The following RASAL2 variants were observed in gnomAD, a reference collection of about 807,000 sequenced individuals.
The protein encoded by RASAL2 is ras GTPase-activating protein nGAP.
RASAL2 carries 58 observed loss-of-function variants against 128.9 expected under a neutral mutation model. The ratio of observed to expected loss-of-function variants is 0.45; its 90% CI spans 0.36 to 0.56. The LOEUF (loss-of-function observed/expected upper bound fraction) is 0.56, where lower values mean the gene tolerates loss of function less well. Among genes scored for constraint, RASAL2 ranks in the 20% least tolerant of loss-of-function variants. The probability of loss-of-function intolerance (pLI) is 0.00; values close to 1 mark genes in which losing one functional copy is unlikely to be tolerated. For synonymous variants in RASAL2, 561 were observed against 580.8 expected, an observed-to-expected ratio of 0.97 and a Z score of 0.49; for missense variants, 1,360 against 1,601.6, an observed-to-expected ratio of 0.85 and a Z score of 2.57.
intron 1 of RASAL2, among the ~76,000 whole-genome samples, chr1:178,166,624 T>A (rs1268908732): frequency 6.6e-6 from 1 of 152,110 alleles, no homozygotes. Context: ...TCACCAAAGA[T>A]CCCTTGGGGT....
intron 1 of RASAL2, among the ~76,000 whole-genome samples, chr1:178,125,834 A>G (rs1659879059): frequency 6.6e-6 from 1 of 152,242 alleles, no homozygotes; most frequent in African/African-American, 2.4e-5. Flanking sequence ...GATATTCTAG[A>G]ATAGCAGAGA....
intron 9 of RASAL2, among the ~76,000 whole-genome samples, chr1:178,447,157 C>T (rs139926587): frequency 2.3e-4 from 35 of 152,148 alleles, no homozygotes; most frequent in African/African-American, 7.5e-4. Flanking sequence ...ACTTAGCAGA[C>T]TGATTAAGAC....
At chr1:178,472,623 C>G (rs116800391) in intron 17 of RASAL2, among the ~76,000 whole-genome samples, 2 of 152,236 alleles carry the variant, frequency 1.3e-5, no homozygotes, top group Non-Finnish European at 2.9e-5. Context: ...ACTGATATGC[C>G]CTCTTTTGGG....
intron 1 of RASAL2, among the ~76,000 whole-genome samples, chr1:178,283,036 G>A (rs183002155): frequency 4.6e-5 from 7 of 152,208 alleles, no homozygotes; most frequent in Non-Finnish European, 8.8e-5. Context: ...TATTTTCCAT[G>A]TTTTTAAGAT....
intron 1 of RASAL2, among the ~76,000 whole-genome samples, chr1:178,140,413 C>G (rs1379419792): frequency 6.6e-6 from 1 of 152,170 alleles, no homozygotes; most frequent in Non-Finnish European, 1.5e-5. Flanking sequence ...TGCCATATCT[C>G]TACCATTACA....
intron 10 of RASAL2, 48 bp downstream of exon 10, chr1:178,451,763 T>C: frequency 6.4e-7 from 1 of 1,564,392 alleles, no homozygotes. Context: ...GTAAAGGTCA[T>C]CACAGTGGAA....
chr1:178,365,637 A>AT (rs1671359165), intron 3 of RASAL2, among the ~76,000 whole-genome samples: 3 of 151,934 alleles, frequency 2.0e-5, no homozygotes, highest in Non-Finnish European at 4.4e-5. Flanking sequence ...ATGCCCAGGT[A>AT]ATTTTTTGTG....
chr1:178,122,703 A>T (rs1659759412), intron 1 of RASAL2, among the ~76,000 whole-genome samples: 1 of 152,088 alleles, frequency 6.6e-6, no homozygotes. Flanking sequence ...GTTTTTTTTG[A>T]ATGTCTTGTA....
chr1:178,459,327 TATATA>T (rs953269106), intron 14 of RASAL2, among the ~76,000 whole-genome samples: 33 of 151,910 alleles, frequency 2.2e-4, no homozygotes, highest in African/African-American at 6.8e-4. Flanking sequence ...TACTGTTAAA[TATATA>T]ATATACACAT....
chr1:178,445,199 G>A (rs1253681014), intron 8 of RASAL2, among the ~76,000 whole-genome samples: 1 of 151,720 alleles, frequency 6.6e-6, no homozygotes, highest in Non-Finnish European at 1.5e-5. Context: ...GTTAGAAAGG[G>A]CTTGGTGTAT....
intron 2 of RASAL2, among the ~76,000 whole-genome samples, chr1:178,286,999 GAGACC>G (rs1272348607): frequency 6.6e-6 from 1 of 151,876 alleles, no homozygotes; most frequent in Admixed American, 6.6e-5. Flanking sequence ...CAACCCTTCT[GAGACC>G]TAGGACCCAT....
At chr1:178,279,023 C>G (rs752589344) in intron 1 of RASAL2, among the ~76,000 whole-genome samples, 6 of 152,150 alleles carry the variant, frequency 3.9e-5, no homozygotes, top group Non-Finnish European at 8.8e-5. Flanking sequence ...TTTATATTAG[C>G]ATTTGAAGGA....
chr1:178,161,076 C>A (rs1661272022), intron 1 of RASAL2, among the ~76,000 whole-genome samples: 1 of 150,656 alleles, frequency 6.6e-6, no homozygotes, highest in Admixed American at 6.7e-5. Flanking sequence ...TTTTTACTCA[C>A]AGAGTTTTCT....
At chr1:178,265,545 T>A (rs182993141) in intron 1 of RASAL2, among the ~76,000 whole-genome samples, 1 of 152,364 alleles carries the variant, frequency 6.6e-6, no homozygotes, top group East Asian at 1.9e-4. Context: ...GTAGGTATTT[T>A]TATAGTCCCT....
At chr1:178,276,297 G>A (rs138833921) in intron 1 of RASAL2, among the ~76,000 whole-genome samples, 4 of 152,186 alleles carry the variant, frequency 2.6e-5, no homozygotes, top group African/African-American at 9.6e-5. Flanking sequence ...TATAGAGGGT[G>A]GGAAGGTAAT....
At chr1:178,299,610 G>A (rs1188269036) in intron 2 of RASAL2, among the ~76,000 whole-genome samples, 3 of 151,926 alleles carry the variant, frequency 2.0e-5, no homozygotes, top group Non-Finnish European at 4.4e-5. Flanking sequence ...CGATTCTCCT[G>A]TCTCAGTCTC....
intron 1 of RASAL2, among the ~76,000 whole-genome samples, chr1:178,245,542 T>C (rs1664732554): frequency 6.6e-6 from 1 of 152,212 alleles, no homozygotes; most frequent in Non-Finnish European, 1.5e-5. Flanking sequence ...ACTCTGATGA[T>C]AGTTTCTTTT....
chr1:178,287,606 C>G (rs1667091650), intron 2 of RASAL2, among the ~76,000 whole-genome samples: 1 of 152,054 alleles, frequency 6.6e-6, no homozygotes, highest in Admixed American at 6.6e-5. Context: ...GCCCATCAAT[C>G]AAGGGGTGGA....
chr1:178,152,193 C>A lies in RASAL2; in HGVS notation c.202+57499C>A, dbSNP rs549679793. 3.3e-5 allele frequency among the ~76,000 whole-genome samples: 5 copies of A among 152,164 alleles called. No homozygotes were observed. The East Asian group carries it at 9.7e-4, about 29-fold the overall frequency. ...GGAAGTAGAGGCTGGAGATTGAGTC[C>A]TGTAGGAGCTCTTCCTTAAAACAGC... On this transcript the variant is annotated intron_variant, in intron 1 of 17. Coordinates refer to ENST00000367649, the MANE Select transcript of RASAL2 (RefSeq NM_170692.4).
Sources: allele counts gnomAD v4.1 joint callset (sites outside exome capture counted in the v4.1 genomes callset), GRCh38; gene constraint gnomAD v4.1.1; transcripts MANE v1.5; gene names NCBI Gene and HGNC (gene_info 2026-07-23, HGNC 2026-07-21).